ADAMTS17: variants seen among roughly 807,000 people sequenced by gnomAD.
ADAMTS17 encodes the protein ADAM metallopeptidase with thrombospondin type 1 motif 17, also known as A disintegrin and metalloproteinase with thrombospondin motifs 17.
In ADAMTS17, 113 loss-of-function variants were observed where a neutral mutation model predicts 141.5. The ratio of observed to expected loss-of-function variants is 0.80; its 90% confidence interval spans 0.69 to 0.93. The LOEUF (loss-of-function observed/expected upper bound fraction) is 0.93, where lower values mean the gene tolerates loss of function less well. Among genes scored for constraint, ADAMTS17 ranks in the 40% least tolerant of loss-of-function variants. ADAMTS17 has a pLI of 0.00. For synonymous variants in ADAMTS17, 768 were observed against 630.6 expected (o/e 1.22, Z -3.27); for missense variants, 1,659 against 1,517.9 (o/e 1.09, Z -1.54).
intron 4 of ADAMTS17, among the ~76,000 whole-genome samples, chr15:100,277,492 T>C (rs1386345923): frequency 2.0e-5 from 3 of 152,202 alleles, no homozygotes; most frequent in Non-Finnish European, 4.4e-5. Context: ...GCTGTTGTAA[T>C]GAATGTTTAT....
At chr15:100,230,036 C>A (rs534705003) in intron 7 of ADAMTS17, among the ~76,000 whole-genome samples, 4 of 152,222 alleles carry the variant, frequency 2.6e-5, no homozygotes, top group South Asian at 2.1e-4. Flanking sequence ...TGCCAACCAC[C>A]CATCCCATGC....
rs547742636 is a variant in ADAMTS17 at position 100,165,220 on chromosome 15, T to TC, written c.1182-9901dup. On this transcript the variant is annotated intron_variant, in intron 8 of 21. Coordinates refer to ENST00000268070, the MANE Select transcript of ADAMTS17 (RefSeq NM_139057.4). ...TCTTGCTCCCACTTGACAAAGACAG[T>TC]CCTTAGGGAGTGAGCTGGTCTCACC... is the stretch of plus-strand genomic sequence containing the variant. Among the ~76,000 whole-genome samples, 388 of 152,258 alleles carry TC rather than the reference T, an allele frequency of 2.5e-3. 5 individuals are homozygous for TC. The highest frequency in any genetic ancestry group is 9.2e-3 in the African/African-American group (381 of 41,538).
chr15:100,293,275 G>A (rs1056520554), intron 3 of ADAMTS17, among the ~76,000 whole-genome samples: 5 of 152,248 alleles, frequency 3.3e-5, no homozygotes, highest in Admixed American at 2.0e-4. Flanking sequence ...GAAGAGGTGA[G>A]GTGGTGACTT....
intron 8 of ADAMTS17, among the ~76,000 whole-genome samples, chr15:100,197,777 C>T (rs1346337091): frequency 6.6e-6 from 1 of 152,146 alleles, no homozygotes; most frequent in South Asian, 2.1e-4. Flanking sequence ...TACCAAACCC[C>T]TCTACAGGAA....
At chr15:100,032,730 G>A (rs758043362) in intron 18 of ADAMTS17, among the ~76,000 whole-genome samples, 6 of 152,190 alleles carry the variant, frequency 3.9e-5, no homozygotes, top group Non-Finnish European at 7.3e-5. Flanking sequence ...AGATTTAAAG[G>A]AGGAAAACAT....
chr15:100,158,686 T>C (rs947323276), intron 8 of ADAMTS17, among the ~76,000 whole-genome samples: 1 of 152,242 alleles, frequency 6.6e-6, no homozygotes. Context: ...TCCTGCAGTA[T>C]TTTTCCTTCT....
chr15:99,992,965 G>A (rs1596175365), intron 20 of ADAMTS17, 83 bp downstream of exon 20: 3 of 1,567,050 alleles, frequency 1.9e-6, no homozygotes, highest in Non-Finnish European at 8.7e-7. Flanking sequence ...CGTAGAATTG[G>A]GACCCGTCAC....
chr15:100,273,789 T>A (rs1316704222), intron 4 of ADAMTS17, among the ~76,000 whole-genome samples: 1 of 152,140 alleles, frequency 6.6e-6, no homozygotes, highest in Admixed American at 6.5e-5. Context: ...TTGTTTGAGA[T>A]TTTTCTTTTT....
intron 8 of ADAMTS17, among the ~76,000 whole-genome samples, chr15:100,184,227 C>A (rs904792572): frequency 1.3e-5 from 2 of 152,106 alleles, no homozygotes; most frequent in African/African-American, 4.8e-5. Context: ...AGTCCATTGG[C>A]CAGGGAGAGC....
chr15:100,198,689 A>G (rs983900966), intron 8 of ADAMTS17, among the ~76,000 whole-genome samples: 2 of 152,184 alleles, frequency 1.3e-5, no homozygotes, highest in African/African-American at 4.8e-5. Context: ...CTGCCGCTTG[A>G]GGCTTCCTAC....
At chr15:100,044,998 G>A (rs2031570380) in intron 18 of ADAMTS17, among the ~76,000 whole-genome samples, 1 of 151,974 alleles carries the variant, frequency 6.6e-6, no homozygotes, top group Non-Finnish European at 1.5e-5. Flanking sequence ...AGTAGAGATG[G>A]GGTTTCATCA....
chr15:100,249,304 G>C (rs1356971519), intron 7 of ADAMTS17, among the ~76,000 whole-genome samples: 1 of 152,254 alleles, frequency 6.6e-6, no homozygotes, highest in Non-Finnish European at 1.5e-5. Flanking sequence ...TCTGAAGGGT[G>C]CAGTGGGCAT....
chr15:100,169,731 C>A (rs117314538), intron 8 of ADAMTS17, among the ~76,000 whole-genome samples: 2 of 152,188 alleles, frequency 1.3e-5, no homozygotes, highest in African/African-American at 4.8e-5. Flanking sequence ...ACTGCATGCT[C>A]GAAACCAGCA....
intron 2 of ADAMTS17, chr15:100,338,880 C>T (rs2046283622): frequency 1.1e-6 from 1 of 926,880 alleles, no homozygotes. Context: ...GCAATGCAAA[C>T]TTGGTTAGCC....
rs563703885 is a variant in ADAMTS17, at chr15:100,111,070, G to A, written c.1889-1954C>T. On this transcript the variant is annotated intron_variant, in intron 13 of 21. Transcript: ENST00000268070. Reference sequence around the variant, plus strand: ...CGGTTAGCTGTGGGGGTAAACATCTGCCCACGAGAAGACTGGAGATCTGAA... The same window carrying A: ...CGGTTAGCTGTGGGGGTAAACATCTACCCACGAGAAGACTGGAGATCTGAA... Among the ~76,000 whole-genome samples, 5 of 152,274 alleles carry A rather than the reference G, an allele frequency of 3.3e-5. No individual in the cohort carries two copies. In the East Asian group the frequency reaches 9.7e-4, roughly 29 times the overall value.
chr15:100,169,637 C>A (rs193296906), intron 8 of ADAMTS17, among the ~76,000 whole-genome samples: 33 of 152,334 alleles, frequency 2.2e-4, no homozygotes, highest in African/African-American at 7.7e-4. Context: ...ATTGCCCCCA[C>A]ACTCAATCGA....
At chr15:100,216,353 C>G (rs749769533) in intron 7 of ADAMTS17, among the ~76,000 whole-genome samples, 1 of 152,214 alleles carries the variant, frequency 6.6e-6, no homozygotes, top group Non-Finnish European at 1.5e-5. Flanking sequence ...TCACAATGAT[C>G]GGCAGTTTAG....
intron 20 of ADAMTS17, among the ~76,000 whole-genome samples, chr15:99,983,213 G>C (rs1010066711): frequency 2.0e-5 from 3 of 152,162 alleles, no homozygotes; most frequent in Non-Finnish European, 4.4e-5. Flanking sequence ...ACGGGGGACC[G>C]GGCTTACGTA....
chr15:100,004,211 T>C (rs12914180), intron 18 of ADAMTS17, among the ~76,000 whole-genome samples: 76,757 of 152,208 alleles, frequency 0.5, 19,851 homozygotes, highest in Non-Finnish European at 0.57. Flanking sequence ...GGGGTTGCTG[T>C]GTGGACTTTG....
Sources: allele counts gnomAD v4.1 joint callset (sites outside exome capture counted in the v4.1 genomes callset), GRCh38; gene constraint gnomAD v4.1.1; transcripts MANE v1.5; gene names NCBI Gene and HGNC (gene_info 2026-07-23, HGNC 2026-07-21).